MAST2: variants seen among roughly 807,000 people sequenced by gnomAD.
MAST2 encodes the protein microtubule associated serine/threonine kinase 2.
Under a neutral mutation model 147.4 loss-of-function variants are expected in MAST2, and 70 were observed. The observed-to-expected ratio is 0.47, with a 90% CI of 0.39 to 0.58. MAST2 has a LOEUF of 0.58. Among genes scored for constraint, MAST2 ranks in the 20% least tolerant of loss-of-function variants. The pLI, the probability that MAST2 is intolerant of heterozygous loss-of-function variation, is 0.00. For synonymous variants in MAST2, 869 were observed against 896.8 expected (o/e 0.97, Z 0.55); for missense variants, 2,080 against 2,302.3 (o/e 0.90, Z 1.98).
At chr1:46,026,472 C>A (rs785479) in intron 16 of MAST2, among the ~76,000 whole-genome samples, 1 of 151,886 alleles carries the variant, frequency 6.6e-6, no homozygotes, top group Admixed American at 6.6e-5. Context: ...CTAAAGGGGC[C>A]TAGAGAGTCT....
At chr1:45,986,705 A>G (rs1644635259) in intron 5 of MAST2, among the ~76,000 whole-genome samples, 1 of 133,420 alleles carries the variant, frequency 7.5e-6, no homozygotes, top group Non-Finnish European at 1.6e-5. Context: ...CGACACAGAG[A>G]GACTCCGTCT....
intron 5 of MAST2, among the ~76,000 whole-genome samples, chr1:45,987,765 TTTTTTTTTTTGA>T: frequency 7.4e-6 from 1 of 134,828 alleles, no homozygotes; most frequent in African/African-American, 2.7e-5. Context: ...ATTTCTTGTT[TTTTTTTTTTTGA>T]TTTTTTTTTT....
At chr1:45,986,846 T>G (rs1644644968) in intron 5 of MAST2, among the ~76,000 whole-genome samples, 1 of 152,230 alleles carries the variant, frequency 6.6e-6, no homozygotes, top group South Asian at 2.1e-4. Context: ...AGTTATCTTA[T>G]AATATCTTTG....
At chr1:45,873,338 G>A (rs936044089) in intron 3 of MAST2, among the ~76,000 whole-genome samples, 7 of 151,798 alleles carry the variant, frequency 4.6e-5, no homozygotes, top group South Asian at 2.1e-4. Flanking sequence ...GACTACAGGC[G>A]TGCACCACCA....
At chr1:45,929,093 G>A (rs1176676458) in intron 4 of MAST2, among the ~76,000 whole-genome samples, 7 of 152,024 alleles carry the variant, frequency 4.6e-5, no homozygotes. Flanking sequence ...CCCTTGTTTT[G>A]TTAGTAGTGG....
At chr1:45,923,535 T>G (rs1653881145) in intron 4 of MAST2, among the ~76,000 whole-genome samples, 1 of 152,210 alleles carries the variant, frequency 6.6e-6, no homozygotes, top group African/African-American at 2.4e-5. Flanking sequence ...ATCATTGTAC[T>G]TATTTCACAC....
intron 5 of MAST2, among the ~76,000 whole-genome samples, chr1:45,966,245 A>G (rs1006204403): frequency 5.9e-5 from 9 of 151,958 alleles, no homozygotes; most frequent in Non-Finnish European, 4.4e-5. Context: ...ACCACGGTTT[A>G]TTTTTATCCA....
intron 26 of MAST2, 53 bp downstream of exon 26, chr1:46,032,771 G>A (rs1469112834): frequency 4.4e-6 from 7 of 1,582,424 alleles, no homozygotes; most frequent in Non-Finnish European, 6.0e-6. Context: ...CAGCCTGTGA[G>A]TCTGTGATGG....
chr1:45,847,215 T>C, intron 3 of MAST2: 2 of 529,184 alleles, frequency 3.8e-6, no homozygotes, highest in Admixed American at 2.0e-5. Flanking sequence ...GTCTGGAATC[T>C]CAAAGCCACA....
At chr1:46,022,216 G>GAGA (rs1225495553) in intron 12 of MAST2, 134 bp downstream of exon 12, 3 of 1,087,576 alleles carry the variant, frequency 2.8e-6, no homozygotes, top group Non-Finnish European at 3.9e-6. Flanking sequence ...AGGATTTTAG[G>GAGA]AGATACCCTG....
intron 4 of MAST2, among the ~76,000 whole-genome samples, chr1:45,901,400 A>G (rs572270245): frequency 8.7e-4 from 132 of 152,216 alleles, no homozygotes; most frequent in African/African-American, 2.9e-3. Flanking sequence ...TTTGGTGACT[A>G]TAGCCTTGTA....
chr1:46,036,034 T>G lies in MAST2; in HGVS notation c.5365T>G (p.Leu1789Val). ...GGHQKHRDLALVPDELLKQT is the reference protein window; with the variant it reads ...GGHQKHRDLAVVPDELLKQT Reference sequence around the variant, plus strand: ...CCATCAAAAGCATCGGGATTTGGCATTGGTTCCAGATGAGCTTTTAAAGCA... The same window carrying G: ...CCATCAAAAGCATCGGGATTTGGCAGTGGTTCCAGATGAGCTTTTAAAGCA... Residue 1789 changes from leucine to valine, a missense_variant, in exon 29 of 29, where the codon TTG becomes GTG. Leu to Val is a conservative substitution (Grantham distance 32). This residue lies in a region of MAST2 where 1,278 missense variants were observed against 1,304.2 expected (regional missense o/e 0.98). Transcript: ENST00000361297. 1.2e-6 allele frequency: 2 copies of G among 1,612,512 alleles called. No homozygotes were observed. The highest frequency in any genetic ancestry group is 2.2e-5 in the South Asian group (2 of 90,926).
At chr1:45,939,445 A>G (rs1250306742) in intron 4 of MAST2, among the ~76,000 whole-genome samples, 1 of 151,530 alleles carries the variant, frequency 6.6e-6, no homozygotes, top group Non-Finnish European at 1.5e-5. Context: ...CAGGTGGTAT[A>G]ATTCCTCCAA....
Position 46,023,722 on chromosome 1 carries a change from A to C in MAST2, c.1572-50A>C. On this transcript the variant is annotated intron_variant, in intron 14 of 28. Coordinates refer to ENST00000361297, the MANE Select transcript of MAST2 (RefSeq NM_015112.3). The surrounding 1 kb of genome is among the most constrained non-coding windows in gnomAD (Gnocchi z 4.9). Reference sequence around the variant, plus strand: ...AGGCAGTTTGGGTGGCAGAGAGCACAGCTCAGGTGCTGAGGGTCCATGGGG... The same window carrying C: ...AGGCAGTTTGGGTGGCAGAGAGCACCGCTCAGGTGCTGAGGGTCCATGGGG... 1 of 1,565,008 alleles carries C rather than the reference A, an allele frequency of 6.4e-7. No individual in the cohort carries two copies. The highest frequency in any genetic ancestry group is 8.7e-7 in the Non-Finnish European group (1 of 1,143,256).
At chr1:45,837,490 T>C (rs1477337784) in intron 3 of MAST2, among the ~76,000 whole-genome samples, 1 of 152,238 alleles carries the variant, frequency 6.6e-6, no homozygotes, top group Non-Finnish European at 1.5e-5. Context: ...TTGGCATGGG[T>C]ATATAGACTT....
At chr1:45,971,025 G>A (rs974032306) in intron 5 of MAST2, among the ~76,000 whole-genome samples, 3 of 152,064 alleles carry the variant, frequency 2.0e-5, no homozygotes, top group African/African-American at 4.8e-5. Context: ...ACAGACAAGC[G>A]ATTTTAAAAA....
intron 4 of MAST2, among the ~76,000 whole-genome samples, chr1:45,937,856 T>G (rs1163184046): frequency 6.6e-6 from 1 of 152,082 alleles, no homozygotes; most frequent in Admixed American, 6.5e-5. Context: ...TTGTAATCTC[T>G]TCAGTGTAAG....
intron 1 of MAST2, among the ~76,000 whole-genome samples, chr1:45,807,660 G>A (rs896137071): frequency 6.6e-6 from 1 of 151,822 alleles, no homozygotes; most frequent in Non-Finnish European, 1.5e-5. Context: ...TCCAGCTTCA[G>A]CCTCCCCAGT....
At chr1:45,860,749 T>G (rs773508209) in intron 3 of MAST2, among the ~76,000 whole-genome samples, 1 of 151,704 alleles carries the variant, frequency 6.6e-6, no homozygotes, top group Non-Finnish European at 1.5e-5. Context: ...GGAGAATCAC[T>G]TGAACCTGGG....
Sources: gnomAD v4.1 joint callset for allele counts (sites outside exome capture counted in the v4.1 genomes callset) on GRCh38, gnomAD v4.1.1 for gene constraint, gnomAD v4.1.1 regional missense constraint, Gnocchi (gnomAD v3.1) non-coding constraint, MANE v1.5 for transcripts, NCBI Gene and HGNC (gene_info 2026-07-23, HGNC 2026-07-21) for gene names.